HEPH: variants seen among roughly 807,000 people sequenced by gnomAD.
HEPH encodes the protein hephaestin.
HEPH carries 69 observed loss-of-function variants against 80.8 expected under a neutral mutation model. The ratio of observed to expected loss-of-function variants is 0.85; its 90% CI spans 0.70 to 1.04. The LOEUF is 1.04. Ranked by LOEUF, HEPH falls within the 50% of genes least tolerant of loss-of-function variation. HEPH has a pLI of 0.00. For synonymous variants in HEPH, 431 were observed against 322.8 expected, an observed-to-expected ratio of 1.34 and a Z score of -3.60; for missense variants, 1,115 against 891.3, an observed-to-expected ratio of 1.25 and a Z score of -3.20.
chrX:66,193,830 T>G (rs1395079423), intron 8 of HEPH, among the ~76,000 whole-genome samples, 192 bp downstream of exon 8: 1 of 112,018 alleles, frequency 8.9e-6, no homozygotes, highest in African/African-American at 3.2e-5. Flanking sequence ...GTTAAGCAGT[T>G]AAATAGTGCT....
chrX:66,200,752 G>T lies in HEPH; in HGVS notation c.2077G>T (p.Gly693Trp). 8.3e-7 allele frequency: 1 copy of T among 1,206,396 alleles called. No homozygotes were observed. The highest frequency in any genetic ancestry group is 1.1e-6 in the Non-Finnish European group (1 of 891,467). ...GGCCATCATGCAGCCTGACAACCTT[G>T]GTAAGTGCCTTAGCAGCTGGCCCTA... ...VMAIMQPDNLGTFEIYCQAGS... is the reference protein window; with the variant it reads ...VMAIMQPDNLWTFEIYCQAGS... The change falls in exon 12 of 21, where the codon GGG (glycine) becomes TGG (tryptophan). Residue 693 changes from glycine (G) to tryptophan (W), a missense_variant and splice_region_variant. By Grantham distance (184) the Gly-to-Trp change is radical (BLOSUM62 -2). Coordinates refer to ENST00000343002, the MANE Select transcript of HEPH (RefSeq NM_001367233.3).
chrX:66,164,395 C>T lies in HEPH; in HGVS notation c.-89C>T, dbSNP rs1248958797. 8.0e-6 allele frequency: 6 copies of T among 750,946 alleles called. No individual in the cohort carries two copies. The highest frequency in any genetic ancestry group is 2.3e-5 in the African/African-American group (1 of 43,162). The allele number at this position is 750,946 out of a possible 1,213,427, so 61.9% of individuals were successfully genotyped here. On this transcript the variant is annotated 5_prime_UTR_variant, in exon 1 of 21. Transcript: ENST00000343002. ...CAAGATACTGACTGAACATGGCTGGCGGACTCAGGCTGGGGTCTGCAGTGC... is the reference window on the plus strand; with the variant it reads ...CAAGATACTGACTGAACATGGCTGGTGGACTCAGGCTGGGGTCTGCAGTGC...
Position 66,260,251 on chromosome X carries a change from T to C in HEPH, c.3188T>C (p.Phe1063Ser). 8.3e-7 allele frequency: 1 copy of C among 1,205,881 alleles called. No homozygotes were observed. Among genetic ancestry groups the C allele is most frequent in the South Asian group, 1.8e-5 (1 of 56,699 alleles). Residue 1063 changes from phenylalanine (F) to serine (S), a missense_variant, in exon 19 of 21, where the codon TTT becomes TCT. Physicochemically the swap from Phe to Ser is radical, Grantham distance 155. Coordinates refer to ENST00000343002, the MANE Select transcript of HEPH (RefSeq NM_001367233.3). ...HAGMETLFTVFSRTEHLSPLT... is the reference protein window; with the variant it reads ...HAGMETLFTVSSRTEHLSPLT... ...GGCATGGAGACCCTCTTCACTGTTT[T>C]TTCTCGAACAGGTAAGTCCTAACTT... is the stretch of plus-strand genomic sequence containing the variant.
intron 15 of HEPH, among the ~76,000 whole-genome samples, chrX:66,208,993 C>A (rs1173052727): frequency 9.1e-6 from 1 of 110,383 alleles, no homozygotes; most frequent in Non-Finnish European, 1.9e-5. Flanking sequence ...TAATCATAAT[C>A]TTGTCAACAT....
chrX:66,169,365 G>T (rs968305472), intron 1 of HEPH, among the ~76,000 whole-genome samples: 4 of 111,844 alleles, frequency 3.6e-5, no homozygotes, highest in African/African-American at 9.7e-5. Flanking sequence ...TTTTAGGTAA[G>T]ACTACATGTA....
rs1283681939 is a variant in HEPH at position 66,260,102 on chromosome X, T to G, written c.3039T>G (p.Asn1013Lys). 8.3e-7 allele frequency: 1 copy of G among 1,203,329 alleles called. No individual in the cohort carries two copies. The highest frequency in any genetic ancestry group is 1.1e-6 in the Non-Finnish European group (1 of 890,949). Reference protein sequence around the residue: ...HFHAESFLYRNGENYRADVVD... With the variant: ...HFHAESFLYRKGENYRADVVD... ...CTCATTCCCAATCTCTCTTGCAGAA[T>G]GGCGAGAACTACCGGGCAGATGTGG... Residue 1013 changes from asparagine to lysine, a missense_variant and splice_region_variant, in exon 19 of 21, where the codon AAT (asparagine) becomes AAG (lysine). By Grantham distance (94) the Asn-to-Lys change is moderately conservative. This residue lies in a region of HEPH where 716 missense variants were observed against 523.5 expected (regional missense o/e 1.37). Coordinates refer to ENST00000343002, the MANE Select transcript of HEPH (RefSeq NM_001367233.3).
chrX:66,223,158 T>C (rs1222945367), intron 15 of HEPH, among the ~76,000 whole-genome samples: 1 of 111,404 alleles, frequency 9.0e-6, no homozygotes, highest in African/African-American at 3.3e-5. Flanking sequence ...CTGGTGCTGG[T>C]TTACTGGAAA....
In HEPH at chrX:66,245,922, C is replaced by T. The variant is rs1220961958; in HGVS notation, c.2564-9113C>T. ...AAATAACTCCCTCTGATTACTGTCT[C>T]TGTGCCTATGTTTCTTTTGTTGGGT... On this transcript the variant is annotated intron_variant, in intron 15 of 20. Coordinates refer to ENST00000343002, the MANE Select transcript of HEPH (RefSeq NM_001367233.3). 2.7e-5 allele frequency among the ~76,000 whole-genome samples: 3 copies of T among 112,424 alleles called. No individual in the cohort carries two copies. In the East Asian group the frequency reaches 8.4e-4, roughly 31 times the overall value.
intron 15 of HEPH, among the ~76,000 whole-genome samples, chrX:66,246,598 G>A (rs998361694): frequency 3.6e-5 from 4 of 111,137 alleles, no homozygotes; most frequent in African/African-American, 1.3e-4. Context: ...GGGGCAGTGT[G>A]TGGGGGCCAG....
intron 6 of HEPH, 138 bp from the exon 7 acceptor site, chrX:66,191,992 A>T (rs1356555595): frequency 1.8e-6 from 1 of 546,337 alleles, no homozygotes; most frequent in East Asian, 3.7e-5. Context: ...AGTGAGAGAA[A>T]GCGGCCCATT....
At position 66,178,033 on chromosome X, in the gene HEPH, G is replaced by T. The variant is rs953053303; in HGVS notation, c.625+4232G>T. On this transcript the variant is annotated intron_variant, in intron 4 of 20. Coordinates refer to ENST00000343002, the MANE Select transcript of HEPH (RefSeq NM_001367233.3). ...ATATGTATACATGTGCCATGTTGGT[G>T]TGCTGCACCCATTAACTTGTCATTT... is the stretch of plus-strand genomic sequence containing the variant. Among the ~76,000 whole-genome samples the T allele has an allele frequency of 6.3e-5, 7 of 111,503 alleles. No individual in the cohort carries two copies. The East Asian group carries it at 2.0e-3, about 31-fold the overall frequency.
intron 15 of HEPH, among the ~76,000 whole-genome samples, chrX:66,218,526 C>T (rs1016566457): frequency 1.8e-4 from 20 of 111,695 alleles, no homozygotes; most frequent in Admixed American, 1.2e-3. Flanking sequence ...CTATCGAAAC[C>T]TCTGGGATAC....
chrX:66,263,104 A>G (rs1296649071), intron 19 of HEPH, among the ~76,000 whole-genome samples: 1 of 111,566 alleles, frequency 9.0e-6, no homozygotes, highest in Non-Finnish European at 1.9e-5. Context: ...AACAATAACA[A>G]GAAATGATTG....
At chrX:66,212,492 A>G (rs1394426786) in intron 15 of HEPH, among the ~76,000 whole-genome samples, 5 of 111,516 alleles carry the variant, frequency 4.5e-5, no homozygotes, top group Admixed American at 3.8e-4. Context: ...ATAATTTTGT[A>G]TATGGTGAGA....
chrX:66,247,970 T>C (rs868097819), intron 15 of HEPH, among the ~76,000 whole-genome samples: 6 of 111,855 alleles, frequency 5.4e-5, no homozygotes, highest in African/African-American at 1.3e-4. Context: ...ACTCCTCTGA[T>C]TTGCACCATC....
In HEPH at chrX:66,200,687, G is replaced by T; in HGVS notation, c.2012G>T (p.Arg671Met). The T allele has an allele frequency of 8.3e-7, 1 of 1,211,718 alleles. No homozygotes were observed. Among genetic ancestry groups the T allele is most frequent in the Non-Finnish European group, 1.1e-6 (1 of 895,481 alleles). Residue 671 changes from arginine to methionine, a missense_variant, in exon 12 of 21, where the codon AGG (arginine) becomes ATG (methionine). By Grantham distance (91) the Arg-to-Met change is moderately conservative. This residue lies in a region of HEPH where 716 missense variants were observed against 523.5 expected (regional missense o/e 1.37). Coordinates refer to ENST00000343002, the MANE Select transcript of HEPH (RefSeq NM_001367233.3). ...AACACTGTGCAGCTTCAGGGCATGA[G>T]GAAGGGTGCAGCTATGCTCTTTCCT... Reference protein sequence around the residue: ...QGNTVQLQGMRKGAAMLFPHT... With the variant: ...QGNTVQLQGMMKGAAMLFPHT...
chrX:66,245,446 T>G (rs901776593), intron 15 of HEPH, among the ~76,000 whole-genome samples: 1 of 111,833 alleles, frequency 8.9e-6, no homozygotes, highest in African/African-American at 3.2e-5. Flanking sequence ...TAAATATATG[T>G]GCACCCAATA....
chrX:66,265,964 C>A (rs937249730), intron 20 of HEPH, among the ~76,000 whole-genome samples: 3 of 111,616 alleles, frequency 2.7e-5, no homozygotes, highest in Non-Finnish European at 3.8e-5. Flanking sequence ...GTTAACATGA[C>A]CCAAAGAGGT....
chrX:66,213,548 A>AT (rs1448405714), intron 15 of HEPH, among the ~76,000 whole-genome samples: 1 of 111,921 alleles, frequency 8.9e-6, no homozygotes, highest in African/African-American at 3.2e-5. Context: ...TTTACTATGT[A>AT]TTTTTATTAT....
Sources: allele counts gnomAD v4.1 joint callset (sites outside exome capture counted in the v4.1 genomes callset), GRCh38; gene constraint gnomAD v4.1.1; regional missense constraint gnomAD v4.1.1; transcripts MANE v1.5; gene names NCBI Gene and HGNC (gene_info 2026-07-23, HGNC 2026-07-21).